The following MS4A6E variants were observed in gnomAD, a reference collection of about 807,000 sequenced individuals.
MS4A6E encodes the protein membrane spanning 4-domains A6E, also known as membrane-spanning 4-domains subfamily A member 6E.
MS4A6E carries 8 observed loss-of-function variants against 13.2 expected under a neutral mutation model. The ratio of observed to expected loss-of-function variants is 0.60; its 90% CI spans 0.35 to 1.09. MS4A6E has a LOEUF of 1.09. Among genes scored for constraint, MS4A6E ranks in the 50% least tolerant of loss-of-function variants. The pLI is 0.02. For missense variants in MS4A6E, 177 were observed against 171.1 expected, an observed-to-expected ratio of 1.03 and a Z score of -0.19; for synonymous variants, 72 against 67.6, an observed-to-expected ratio of 1.06 and a Z score of -0.32.
downstream of MS4A6E, among the ~76,000 whole-genome samples, chr11:60,342,365 T>C (rs1427772388): frequency 6.6e-6 from 1 of 152,066 alleles, no homozygotes; most frequent in African/African-American, 2.4e-5. Context: ...GCCAAGAAAA[T>C]TGAAGACATG....
chr11:60,348,462 C>A (rs1023442907), intron 4 of MS4A6E, among the ~76,000 whole-genome samples: 1 of 152,170 alleles, frequency 6.6e-6, no homozygotes, highest in Admixed American at 6.5e-5. Context: ...GCTAATCTTT[C>A]CTAACAGGAC....
chr11:60,343,274 T>G (rs1255304538), downstream of MS4A6E, among the ~76,000 whole-genome samples: 3 of 152,222 alleles, frequency 2.0e-5, no homozygotes, highest in Non-Finnish European at 2.9e-5. Context: ...TTTTAATGGC[T>G]TGTAATACTA....
At chr11:60,330,478 A>G (rs554317426) in intron 1 of MS4A6E, among the ~76,000 whole-genome samples, 1 of 142,004 alleles carries the variant, frequency 7.0e-6, no homozygotes, top group East Asian at 2.5e-4. Context: ...AGTAGCTGGG[A>G]TACAGGCACC....
At chr11:60,332,511 TC>T (rs550830908) in intron 1 of MS4A6E, among the ~76,000 whole-genome samples, 16 of 152,332 alleles carry the variant, frequency 1.1e-4, no homozygotes, top group African/African-American at 3.8e-4. Flanking sequence ...AGCTTTCATT[TC>T]CCACTCTCCA....
chr11:60,339,766 A>T, intron 3 of MS4A6E, 100 bp from the exon 4 acceptor site: 1 of 973,250 alleles, frequency 1.0e-6, no homozygotes, highest in Non-Finnish European at 1.6e-6. Context: ...TTCATTCTCT[A>T]ATGGTTGAGG....
chr11:60,347,048 A>G (rs2085259468), intron 4 of MS4A6E, among the ~76,000 whole-genome samples: 1 of 152,210 alleles, frequency 6.6e-6, no homozygotes, highest in Non-Finnish European at 1.5e-5. Flanking sequence ...CACAATTTTC[A>G]TCAGGCATTT....
chr11:60,347,459 T>C (rs145689143), intron 4 of MS4A6E, among the ~76,000 whole-genome samples: 31 of 151,730 alleles, frequency 2.0e-4, no homozygotes, highest in African/African-American at 6.8e-4. Context: ...AGTTGTACAA[T>C]AGAATATGAG....
At position 60,333,668 on chromosome 11, in the gene MS4A6E, T is replaced by C. The variant is rs557363473; in HGVS notation, c.-14-1214T>C. ...TGAGAAACAAAAACTCGGATAGTTG[T>C]TTTGGGTCCAAAGAGTTAAGGCCTT... On this transcript the variant is annotated intron_variant, in intron 1 of 4. Coordinates refer to ENST00000684409, the MANE Select transcript of MS4A6E (RefSeq NM_139249.4). Among the ~76,000 whole-genome samples the C allele has an allele frequency of 5.9e-5, 9 of 152,314 alleles. No homozygotes were observed. The East Asian group carries it at 1.7e-3, about 29-fold the overall frequency.
At position 60,341,142 on chromosome 11, in the gene MS4A6E, G is replaced by A. The variant is rs759921064; in HGVS notation, c.*376G>A. Among the ~76,000 whole-genome samples, 1 of 149,674 alleles carries A rather than the reference G, an allele frequency of 6.7e-6. No individual in the cohort carries two copies. Among genetic ancestry groups the A allele is most frequent in the African/African-American group, 2.6e-5 (1 of 39,106 alleles). ...TTCAATGGATCACAGTGAGGCAAAG[G>A]ATACAGCTTTTTCTTATACTCCTCA... On this transcript the variant is annotated 3_prime_UTR_variant, in exon 5 of 5. Coordinates refer to ENST00000684409, the MANE Select transcript of MS4A6E (RefSeq NM_139249.4).
At chr11:60,338,037 T>C in intron 3 of MS4A6E, 90 bp downstream of exon 3, 1 of 1,370,514 alleles carries the variant, frequency 7.3e-7, no homozygotes, top group South Asian at 1.4e-5. Context: ...AATCTCTCTG[T>C]TAATTCTGGT....
chr11:60,332,626 T>C (rs1470692037), intron 1 of MS4A6E, among the ~76,000 whole-genome samples: 2 of 152,220 alleles, frequency 1.3e-5, no homozygotes, highest in Non-Finnish European at 2.9e-5. Flanking sequence ...TAAGTCAATG[T>C]TTCCCCATGT....
At chr11:60,344,334 T>C (rs889920002), downstream of MS4A6E, among the ~76,000 whole-genome samples, 31 of 152,232 alleles carry the variant, frequency 2.0e-4, no homozygotes, top group Admixed American at 1.8e-3. Flanking sequence ...CCTTCATCTT[T>C]GGCATGTGGG....
downstream of MS4A6E, among the ~76,000 whole-genome samples, chr11:60,344,412 C>T (rs1027064335): frequency 5.9e-5 from 9 of 152,156 alleles, no homozygotes; most frequent in South Asian, 2.1e-4. Flanking sequence ...GAAGGAGCCA[C>T]CTGTTCAGGG....
downstream of MS4A6E, among the ~76,000 whole-genome samples, chr11:60,344,235 T>C (rs2085246120): frequency 6.6e-6 from 1 of 152,222 alleles, no homozygotes; most frequent in African/African-American, 2.4e-5. Context: ...ACTAACACTT[T>C]ATTACCTCAG....
chr11:60,342,380 C>A (rs73477050), downstream of MS4A6E, among the ~76,000 whole-genome samples: 924 of 152,130 alleles, frequency 6.1e-3, 14 homozygotes, highest in African/African-American at 0.021. Context: ...GACATGGACA[C>A]ACAAAGAGTG....
intron 1 of MS4A6E, among the ~76,000 whole-genome samples, chr11:60,334,230 G>A (rs894637540): frequency 1.3e-5 from 2 of 152,262 alleles, no homozygotes; most frequent in East Asian, 1.9e-4. Context: ...GACACCAGGG[G>A]GAGAAAGAGG....
rs1480666210 is a variant in MS4A6E, at chr11:60,339,854, C to A, written c.355-12C>A. ...CCCAAGCATCACTGATATTTTATTT[C>A]TTGACTTTCAGGGAACTCTGTCTCT... On this transcript the variant is annotated splice_polypyrimidine_tract_variant and intron_variant, in intron 3 of 4. Transcript: ENST00000684409. The A allele has an allele frequency of 2.5e-6, 4 of 1,612,124 alleles. No individual in the cohort carries two copies. The highest frequency in any genetic ancestry group is 1.1e-5 in the South Asian group (1 of 91,066).
intron 1 of MS4A6E, among the ~76,000 whole-genome samples, chr11:60,333,463 G>A (rs923493838): frequency 6.6e-6 from 1 of 152,164 alleles, no homozygotes; most frequent in Non-Finnish European, 1.5e-5. Flanking sequence ...TATATCAAAA[G>A]AGAAGAGTTC....
At chr11:60,344,720 C>T (rs1176405996), downstream of MS4A6E, among the ~76,000 whole-genome samples, 1 of 152,104 alleles carries the variant, frequency 6.6e-6, no homozygotes, top group Non-Finnish European at 1.5e-5. Context: ...ATTAGAGGGG[C>T]TTGAAGTCCA....
Sources: allele counts gnomAD v4.1 joint callset (sites outside exome capture counted in the v4.1 genomes callset), GRCh38; gene constraint gnomAD v4.1.1; transcripts MANE v1.5; gene names NCBI Gene and HGNC (gene_info 2026-07-23, HGNC 2026-07-21).